Variants in WDR49 observed in about 807,000 individuals in gnomAD.
WDR49 encodes the protein WD repeat domain 49, also known as cilia- and flagella-associated protein 337.
A neutral mutation model predicts 119.5 loss-of-function variants in WDR49; 107 were observed. That is an observed-to-expected ratio of 0.90 (90% CI 0.77 to 1.05). The LOEUF is 1.05. Ranked by LOEUF, WDR49 falls within the 50% of genes least tolerant of loss-of-function variation. The pLI is 0.00. For synonymous variants in WDR49, 425 were observed against 418.8 expected, an observed-to-expected ratio of 1.01 and a Z score of -0.18; for missense variants, 1,240 against 1,220.5, an observed-to-expected ratio of 1.02 and a Z score of -0.24.
At chr3:167,542,791 C>T (rs915664393) in intron 10 of WDR49, among the ~76,000 whole-genome samples, 2 of 151,530 alleles carry the variant, frequency 1.3e-5, no homozygotes, top group African/African-American at 4.8e-5. Context: ...ACAAGGATCA[C>T]AGCAAAAATA....
chr3:167,570,195 G>C (rs1232187987), intron 8 of WDR49, among the ~76,000 whole-genome samples: 1 of 151,936 alleles, frequency 6.6e-6, no homozygotes, highest in Non-Finnish European at 1.5e-5. Flanking sequence ...AATTTTCATT[G>C]TGTAAATCTG....
At chr3:167,564,660 G>C (rs138269312) in intron 8 of WDR49, among the ~76,000 whole-genome samples, 1 of 152,172 alleles carries the variant, frequency 6.6e-6, no homozygotes, top group Non-Finnish European at 1.5e-5. Context: ...CACACTCCAG[G>C]ACACATGGGC....
chr3:167,536,883 T>A lies in WDR49; in HGVS notation c.1941A>T (p.Gln647His). ...AGTTCAATTTACCCGTAACAAGAGT[T>A]TGTGGAGGTAAAAACGCAGCACACA... ...DILCAAFLPP[Q>H]TLVTGSYDGE... The change falls in exon 11 of 19, where the codon CAA becomes CAT. Residue 647 changes from glutamine (Q) to histidine (H), a missense_variant. Gln to His is a conservative substitution (Grantham distance 24, BLOSUM62 0). Coordinates refer to ENST00000682715, the MANE Select transcript of WDR49 (RefSeq NM_001366157.1). 1 of 1,515,692 alleles carries A rather than the reference T, an allele frequency of 6.6e-7. No individual in the cohort carries two copies. Among genetic ancestry groups the A allele is most frequent in the Non-Finnish European group, 8.8e-7 (1 of 1,131,250 alleles). The allele number at this position is 1,515,692 out of a possible 1,614,324, so 93.9% of individuals were successfully genotyped here.
intron 7 of WDR49, among the ~76,000 whole-genome samples, chr3:167,600,844 GATA>G (rs1455340938): frequency 6.6e-6 from 1 of 152,328 alleles, no homozygotes. Flanking sequence ...GGTGAGAAAA[GATA>G]ATAATTTGAT....
intron 2 of WDR49, among the ~76,000 whole-genome samples, chr3:167,636,356 T>C (rs955789746): frequency 1.3e-5 from 2 of 151,278 alleles, no homozygotes; most frequent in African/African-American, 4.9e-5. Context: ...TGTATATACA[T>C]GTATATATAT....
chr3:167,558,897 C>G (rs985351750), intron 9 of WDR49, among the ~76,000 whole-genome samples: 2 of 152,176 alleles, frequency 1.3e-5, no homozygotes, highest in African/African-American at 4.8e-5. Flanking sequence ...TTGCCTGAAC[C>G]ACTGTCTAAT....
At chr3:167,577,018 A>T (rs1714285373) in intron 7 of WDR49, among the ~76,000 whole-genome samples, 1 of 152,140 alleles carries the variant, frequency 6.6e-6, no homozygotes, top group Non-Finnish European at 1.5e-5. Flanking sequence ...AAATGAGGTC[A>T]AGTTCATATA....
At chr3:167,509,506 T>A (rs1010994674) in intron 16 of WDR49, among the ~76,000 whole-genome samples, 1 of 152,178 alleles carries the variant, frequency 6.6e-6, no homozygotes, top group Admixed American at 6.5e-5. Flanking sequence ...AAAACTTTAG[T>A]TTAAAGCAAT....
intron 18 of WDR49, among the ~76,000 whole-genome samples, chr3:167,493,675 C>T (rs1004209665): frequency 1.3e-5 from 2 of 152,114 alleles, no homozygotes; most frequent in African/African-American, 2.4e-5. Flanking sequence ...TTCTATAATA[C>T]GCATGTATCA....
At chr3:167,544,312 A>C (rs1014170562) in intron 10 of WDR49, among the ~76,000 whole-genome samples, 10 of 152,020 alleles carry the variant, frequency 6.6e-5, no homozygotes, top group Admixed American at 6.6e-5. Flanking sequence ...TAGAAAAAAC[A>C]AACCTAAAAT....
intron 17 of WDR49, among the ~76,000 whole-genome samples, chr3:167,500,607 TC>T (rs1235705662): frequency 1.3e-5 from 2 of 152,242 alleles, no homozygotes; most frequent in Non-Finnish European, 2.9e-5. Flanking sequence ...CTCCAGTTTT[TC>T]TTTTATCTAC....
At chr3:167,574,590 C>T (rs181854846) in intron 8 of WDR49, among the ~76,000 whole-genome samples, 1,855 of 152,252 alleles carry the variant, frequency 0.012, 29 homozygotes, top group South Asian at 0.026. Context: ...ACCATATGTA[C>T]ATTGTCCTTT....
chr3:167,511,579 C>T (rs1447730946), intron 16 of WDR49, among the ~76,000 whole-genome samples: 1 of 152,052 alleles, frequency 6.6e-6, no homozygotes, highest in Non-Finnish European at 1.5e-5. Flanking sequence ...TGTTTTTTTC[C>T]ACCGATCTGT....
intron 16 of WDR49, among the ~76,000 whole-genome samples, chr3:167,508,555 G>A (rs1460074225): frequency 6.6e-6 from 1 of 152,082 alleles, no homozygotes; most frequent in Non-Finnish European, 1.5e-5. Flanking sequence ...TTAAGCAAAA[G>A]CAAGACAATA....
At chr3:167,588,715 T>C (rs1367199478) in intron 7 of WDR49, among the ~76,000 whole-genome samples, 1 of 152,190 alleles carries the variant, frequency 6.6e-6, no homozygotes, top group Non-Finnish European at 1.5e-5. Context: ...CCTTTTCATA[T>C]GCCTGTTTGC....
Position 167,522,420 on chromosome 3 carries a change from CT to C in WDR49, c.2668del (p.Ser890ValfsTer17), listed in dbSNP as rs1752484554. 1.2e-6 allele frequency: 2 copies of C among 1,611,702 alleles called. No individual in the cohort carries two copies. The highest frequency in any genetic ancestry group is 4.5e-5 in the East Asian group (2 of 44,716). ...TAAAGAAATTTCCTTTTGAATCTCA[CT>C]TTCCACTAAATTAGTATCTCTTTTA... ...LPKRDTNLVE[S>X]EIQKEISLFS... On this transcript the variant is annotated frameshift_variant, in exon 16 of 19. Coordinates refer to ENST00000682715, the MANE Select transcript of WDR49 (RefSeq NM_001366157.1). LOFTEE classifies it high-confidence loss of function.
At chr3:167,609,854 C>T (rs1188757057) in intron 5 of WDR49, among the ~76,000 whole-genome samples, 1 of 152,148 alleles carries the variant, frequency 6.6e-6, no homozygotes, top group African/African-American at 2.4e-5. Flanking sequence ...GATACCAGCT[C>T]AGCCACAGCA....
At chr3:167,632,159 G>A (rs759704346) in intron 2 of WDR49, among the ~76,000 whole-genome samples, 17 of 151,828 alleles carry the variant, frequency 1.1e-4, no homozygotes, top group Non-Finnish European at 2.2e-4. Flanking sequence ...AGATTGTCTC[G>A]TCAATAAAAC....
chr3:167,644,927 G>A lies in WDR49; in HGVS notation c.165+8334C>T, dbSNP rs746574216. Among the ~76,000 whole-genome samples, 7 of 151,914 alleles carry A rather than the reference G, an allele frequency of 4.6e-5. 1 individual carries two copies. The South Asian group carries it at 1.5e-3, about 32-fold the overall frequency. ...AATCAAATTCTTAACAAGTTTGGGT[G>A]CCTTTTCACATGATTAGAAGCTATT... On this transcript the variant is annotated intron_variant, in intron 2 of 18. Coordinates refer to ENST00000682715, the MANE Select transcript of WDR49 (RefSeq NM_001366157.1).
Sources: gnomAD v4.1 joint callset for allele counts (sites outside exome capture counted in the v4.1 genomes callset) on GRCh38, gnomAD v4.1.1 for gene constraint, MANE v1.5 for transcripts, NCBI Gene and HGNC (gene_info 2026-07-23, HGNC 2026-07-21) for gene names.